The following PRICKLE2 variants were observed in gnomAD, a reference collection of about 807,000 sequenced individuals.
PRICKLE2 encodes the protein prickle-like protein 2.
In PRICKLE2, 21 loss-of-function variants were observed where a neutral mutation model predicts 81.4. The observed-to-expected ratio is 0.26, with a 90% CI of 0.18 to 0.37. The LOEUF is 0.37. Among genes scored for constraint, PRICKLE2 ranks in the 10% least tolerant of loss-of-function variants. The pLI is 1.00. For synonymous variants in PRICKLE2, 456 were observed against 421.5 expected (o/e 1.08, Z -1.00); for missense variants, 940 against 1,109.0 (o/e 0.85, Z 2.16).
chr3:64,257,589 A>G (rs559472856), intron 2 of PRICKLE2, among the ~76,000 whole-genome samples: 2 of 152,274 alleles, frequency 1.3e-5, no homozygotes, highest in East Asian at 3.9e-4. Context: ...TACTCCTTCA[A>G]AATTACCACA....
intron 2 of PRICKLE2, among the ~76,000 whole-genome samples, chr3:64,183,690 C>A (rs1262882009): frequency 6.6e-6 from 1 of 152,142 alleles, no homozygotes; most frequent in East Asian, 1.9e-4. Flanking sequence ...AATTTGGAAA[C>A]ATTGCCATGT....
At chr3:64,209,950 G>T (rs1301304289) in intron 1 of PRICKLE2, among the ~76,000 whole-genome samples, 1 of 152,190 alleles carries the variant, frequency 6.6e-6, no homozygotes, top group Non-Finnish European at 1.5e-5. Context: ...CAGAGTACGA[G>T]TTTTCCCGGC....
chr3:64,142,221 C>G (rs536241054), intron 7 of PRICKLE2, among the ~76,000 whole-genome samples: 13 of 151,652 alleles, frequency 8.6e-5, no homozygotes, highest in Non-Finnish European at 1.3e-4. Context: ...GAAACGCACA[C>G]AAAATGACTT....
At chr3:64,244,661 G>A (rs1002511929) in intron 2 of PRICKLE2, among the ~76,000 whole-genome samples, 1 of 151,032 alleles carries the variant, frequency 6.6e-6, no homozygotes, top group African/African-American at 2.4e-5. Context: ...AACGAGACAG[G>A]GAGAGAGAGA....
chr3:64,139,409 C>G (rs892077314), intron 7 of PRICKLE2, among the ~76,000 whole-genome samples: 10 of 152,250 alleles, frequency 6.6e-5, no homozygotes, highest in African/African-American at 2.4e-4. Context: ...CCTTGGGACA[C>G]TGTAAACCTC....
Position 64,221,294 on chromosome 3 carries a change from A to G in PRICKLE2, c.-41+3616T>C, listed in dbSNP as rs377383501. ...TCCCCAGGGAAATAACACAACAAGC[A>G]AGCCTATGGTTTTCAGATGCCAAAT... On this transcript the variant is annotated intron_variant, in intron 1 of 7. Coordinates refer to ENST00000638394, the MANE Select transcript of PRICKLE2 (RefSeq NM_198859.4). Among the ~76,000 whole-genome samples, 7 of 152,190 alleles carry G rather than the reference A, an allele frequency of 4.6e-5. No homozygotes were observed. In the South Asian group the frequency reaches 1.2e-3, roughly 27 times the overall value.
chr3:64,201,232 GT>G (rs1041110257), intron 1 of PRICKLE2, among the ~76,000 whole-genome samples: 3 of 152,094 alleles, frequency 2.0e-5, no homozygotes, highest in African/African-American at 7.2e-5. Flanking sequence ...CCTGGCCAAA[GT>G]TTTTAATTCT....
intron 6 of PRICKLE2, among the ~76,000 whole-genome samples, chr3:64,148,017 T>C (rs565007015): frequency 6.6e-6 from 1 of 152,244 alleles, no homozygotes. Context: ...CGTATGATCA[T>C]GTACTGCTTT....
Position 64,159,951 on chromosome 3 carries a change from T to A in PRICKLE2, c.385A>T (p.Ile129Phe), listed in dbSNP as rs1238982208. The change falls in exon 4 of 8, where the codon ATT becomes TTT. Residue 129 changes from isoleucine (I) to phenylalanine (F), a missense_variant. Coordinates refer to ENST00000638394, the MANE Select transcript of PRICKLE2 (RefSeq NM_198859.4). ...RPFPVTMTGA[I>F]CEQCGGQING... ...GAATCCATGCTTACCTGTTCACAAATAGCTCCTGTCATGGTGACTGGGAAA... is the reference window on the plus strand; with the variant it reads ...GAATCCATGCTTACCTGTTCACAAAAAGCTCCTGTCATGGTGACTGGGAAA... 6.8e-6 allele frequency: 11 copies of A among 1,614,154 alleles called. No homozygotes were observed. In the South Asian group the frequency reaches 1.2e-4, roughly 18 times the overall value.
At chr3:64,214,110 T>A (rs1451348931) in intron 1 of PRICKLE2, among the ~76,000 whole-genome samples, 2 of 152,180 alleles carry the variant, frequency 1.3e-5, no homozygotes, top group Non-Finnish European at 2.9e-5. Context: ...AATTCAGCCA[T>A]CTCTGGTATG....
In PRICKLE2 at chr3:64,130,208, G is replaced by A. The variant is rs1575571348; in HGVS notation, c.1660+16622C>T. Among the ~76,000 whole-genome samples, 3 of 152,144 alleles carry A rather than the reference G, an allele frequency of 2.0e-5. No individual in the cohort carries two copies. In the South Asian group the frequency reaches 6.2e-4, roughly 32 times the overall value. ...CACTTCAGCCCTTAGCTATCACAAC[G>A]TTAACATCTGGATGTCCTGAGAGTA... On this transcript the variant is annotated intron_variant, in intron 7 of 7. Coordinates refer to ENST00000638394, the MANE Select transcript of PRICKLE2 (RefSeq NM_198859.4).
upstream of PRICKLE2, among the ~76,000 whole-genome samples, chr3:64,228,200 A>G (rs1390884294): frequency 6.6e-6 from 1 of 152,218 alleles, no homozygotes; most frequent in African/African-American, 2.4e-5. Context: ...GGGTCTGGGG[A>G]CAACATGGTG....
intron 7 of PRICKLE2, among the ~76,000 whole-genome samples, chr3:64,111,425 C>T (rs963574759): frequency 1.3e-5 from 2 of 152,180 alleles, no homozygotes; most frequent in Non-Finnish European, 2.9e-5. Context: ...TCTCCCACCT[C>T]CTGCCTTTTA....
intron 2 of PRICKLE2, among the ~76,000 whole-genome samples, chr3:64,251,976 C>G (rs2079452618): frequency 6.6e-6 from 1 of 152,122 alleles, no homozygotes; most frequent in South Asian, 2.1e-4. Flanking sequence ...GGGCTTCTTG[C>G]CATTTGCACA....
chr3:64,188,657 C>T (rs1359269364), intron 2 of PRICKLE2, among the ~76,000 whole-genome samples: 1 of 152,184 alleles, frequency 6.6e-6, no homozygotes, highest in Non-Finnish European at 1.5e-5. Flanking sequence ...TTCTCTTAGC[C>T]ATCCAATATA....
intron 7 of PRICKLE2, among the ~76,000 whole-genome samples, chr3:64,129,481 G>A (rs1005306214): frequency 6.6e-6 from 1 of 152,134 alleles, no homozygotes; most frequent in Non-Finnish European, 1.5e-5. Flanking sequence ...ACAAGAGATC[G>A]GGAATGCAAA....
intron 5 of PRICKLE2, 108 bp from the exon 6 acceptor site, chr3:64,153,476 T>C: frequency 5.9e-6 from 6 of 1,009,378 alleles, no homozygotes; most frequent in Non-Finnish European, 7.6e-6. Flanking sequence ...AAGCAGATCC[T>C]ACTCACAAAT....
At chr3:64,196,127 T>C (rs1009991211) in intron 2 of PRICKLE2, among the ~76,000 whole-genome samples, 3 of 152,242 alleles carry the variant, frequency 2.0e-5, no homozygotes, top group African/African-American at 7.2e-5. Flanking sequence ...TTTGAAATCA[T>C]AAATTTAATC....
chr3:64,208,034 C>T (rs889883693), intron 1 of PRICKLE2, among the ~76,000 whole-genome samples: 1 of 152,190 alleles, frequency 6.6e-6, no homozygotes, highest in Non-Finnish European at 1.5e-5. Context: ...ACGCACAACA[C>T]CAGCCTAAAA....
Sources: gnomAD v4.1 joint callset for allele counts (sites outside exome capture counted in the v4.1 genomes callset) on GRCh38, gnomAD v4.1.1 for gene constraint, MANE v1.5 for transcripts, NCBI Gene and HGNC (gene_info 2026-07-23, HGNC 2026-07-21) for gene names.